The following ANKRD11 variants were observed in gnomAD, a reference collection of about 807,000 sequenced individuals.
ANKRD11 encodes the protein ankyrin repeat domain 11.
A neutral mutation model predicts 195.7 loss-of-function variants in ANKRD11; 17 were observed. That is an observed-to-expected ratio of 0.09 (90% CI 0.06 to 0.13). ANKRD11 has a LOEUF of 0.13. Ranked by LOEUF, ANKRD11 falls within the 10% of genes least tolerant of loss-of-function variation. The probability of loss-of-function intolerance (pLI) is 1.00; values close to 1 mark genes in which losing one functional copy is unlikely to be tolerated. For synonymous variants in ANKRD11, 1,953 were observed against 1,528.1 expected (o/e 1.28, Z -6.49); for missense variants, 3,735 against 3,566.1 (o/e 1.05, Z -1.21).
chr16:89,358,391 C>G (rs116880818), intron 2 of ANKRD11, among the ~76,000 whole-genome samples: 1 of 152,236 alleles, frequency 6.6e-6, no homozygotes, highest in Non-Finnish European at 1.5e-5. Context: ...TTAGCGACCA[C>G]GTTTCAAAGA....
chr16:89,471,340 G>C (rs1324723246), intron 1 of ANKRD11, among the ~76,000 whole-genome samples: 1 of 152,164 alleles, frequency 6.6e-6, no homozygotes, highest in Non-Finnish European at 1.5e-5. Flanking sequence ...GTCCTGTGTG[G>C]AGTGGTGCTC....
At chr16:89,367,366 C>T (rs735814) in intron 2 of ANKRD11, among the ~76,000 whole-genome samples, 1 of 152,258 alleles carries the variant, frequency 6.6e-6, no homozygotes, top group Non-Finnish European at 1.5e-5. Flanking sequence ...AGACCTCCCA[C>T]CACTGCTTCC....
intron 2 of ANKRD11, chr16:89,324,788 G>C (rs1176738980): frequency 3.5e-6 from 1 of 289,298 alleles, no homozygotes; most frequent in Non-Finnish European, 6.8e-6. Context: ...TGCGCTGTTG[G>C]CTTCCCGACT....
chr16:89,278,464 T>C (rs1597427105), intron 9 of ANKRD11: 3 of 449,432 alleles, frequency 6.7e-6, no homozygotes, highest in Non-Finnish European at 8.9e-6. Context: ...GGAGTGGGGG[T>C]GATTCCGAGA....
At chr16:89,269,522 C>G (rs2151667674) in intron 12 of ANKRD11, among the ~76,000 whole-genome samples, 1 of 152,230 alleles carries the variant, frequency 6.6e-6, no homozygotes, top group African/African-American at 2.4e-5. Context: ...CATATAATAC[C>G]CTTTGGATGT....
intron 2 of ANKRD11, among the ~76,000 whole-genome samples, chr16:89,402,783 GGATGA>G (rs1227087257): frequency 6.8e-6 from 1 of 146,046 alleles, no homozygotes; most frequent in Admixed American, 6.8e-5. Context: ...CAGCTCTGTG[GGATGA>G]GGTGAGGTGG....
intron 2 of ANKRD11, among the ~76,000 whole-genome samples, chr16:89,362,468 G>C (rs927645970): frequency 3.3e-5 from 5 of 152,210 alleles, no homozygotes; most frequent in African/African-American, 1.2e-4. Context: ...GAAGCCGGAA[G>C]GGACAAGACT....
At chr16:89,486,636 A>G (rs2057623724) in intron 1 of ANKRD11, among the ~76,000 whole-genome samples, 2 of 152,168 alleles carry the variant, frequency 1.3e-5, no homozygotes, top group Admixed American at 6.6e-5. Context: ...GAATGACTGG[A>G]AGCTTGGGGC....
At chr16:89,318,153 G>A (rs1434492346) in intron 2 of ANKRD11, among the ~76,000 whole-genome samples, 1 of 152,138 alleles carries the variant, frequency 6.6e-6, no homozygotes, top group African/African-American at 2.4e-5. Flanking sequence ...CGGTGCGAGC[G>A]CACTTCTTCC....
chr16:89,279,186 G>C lies in ANKRD11; in HGVS notation c.7356C>G (p.Arg2452=), dbSNP rs575659853. 1.9e-6 allele frequency: 3 copies of C among 1,612,776 alleles called. No homozygotes were observed. Among genetic ancestry groups the C allele is most frequent in the East Asian group, 2.2e-5 (1 of 44,868 alleles). The change falls in exon 9 of 13, where the codon CGC becomes CGG. Residue 2452 remains arginine (R), a synonymous_variant. Coordinates refer to ENST00000301030, the MANE Select transcript of ANKRD11 (RefSeq NM_013275.6). This position sits in a 1 kb window ranked among gnomAD's most constrained non-coding sequence, Gnocchi z 5.6. ...LQIRKKIEEK[R]KILCCITPQA... ...GCGGCGTGATACAGCACAGGATCTT[G>C]CGCTTCTCCTCGATCTTCTTCCTGA...
At chr16:89,294,837 T>G (rs1402814984) in intron 4 of ANKRD11, among the ~76,000 whole-genome samples, 2 of 152,170 alleles carry the variant, frequency 1.3e-5, no homozygotes, top group Non-Finnish European at 2.9e-5. Flanking sequence ...GAAACGCTCC[T>G]CTGAGAGGAG....
intron 2 of ANKRD11, among the ~76,000 whole-genome samples, chr16:89,350,068 T>G (rs2039139253): frequency 6.6e-6 from 1 of 151,752 alleles, no homozygotes; most frequent in South Asian, 2.1e-4. Flanking sequence ...GATAGTCCCT[T>G]CCCCCCACCA....
intron 4 of ANKRD11, among the ~76,000 whole-genome samples, chr16:89,292,721 T>C (rs2035143106): frequency 1.3e-5 from 2 of 152,162 alleles, no homozygotes; most frequent in African/African-American, 4.8e-5. Context: ...CCCCAGCCCC[T>C]CATAGAACCT....
At chr16:89,312,010 G>A (rs1187269490) in intron 3 of ANKRD11, among the ~76,000 whole-genome samples, 1 of 152,182 alleles carries the variant, frequency 6.6e-6, no homozygotes, top group East Asian at 1.9e-4. Flanking sequence ...CAATTCTCCT[G>A]CCTCAGACTC....
At chr16:89,411,284 C>T (rs928745833) in intron 2 of ANKRD11, among the ~76,000 whole-genome samples, 2 of 151,620 alleles carry the variant, frequency 1.3e-5, no homozygotes, top group Non-Finnish European at 2.9e-5. Context: ...ACTTGCAGCC[C>T]TGTGCCAGCA....
chr16:89,408,273 G>GCTTCCACATTC (rs1196758854), intron 2 of ANKRD11, among the ~76,000 whole-genome samples: 1 of 152,248 alleles, frequency 6.6e-6, no homozygotes, highest in African/African-American at 2.4e-5. Context: ...TAGAGAAGTG[G>GCTTCCACATTC]CAGCCCTTCC....
rs2034363201 is a variant in ANKRD11 at position 89,282,724 on chromosome 16, C to G, written c.3818G>C (p.Ser1273Thr). The change falls in exon 9 of 13, where the codon AGT (serine) becomes ACT (threonine). Residue 1273 changes from serine to threonine, a missense_variant. Ser to Thr is a moderately conservative substitution (Grantham distance 58). Coordinates refer to ENST00000301030, the MANE Select transcript of ANKRD11 (RefSeq NM_013275.6). ...AAGCAGGCTTTTTTCCGCGTCGGCA[C>G]TTCTCGAGGACTTCCTCTCCTTGGA... ...EHSKERKSSR[S>T]ADAEKSLLEK... The G allele has an allele frequency of 2.5e-6, 4 of 1,613,734 alleles. No individual in the cohort carries two copies. The highest frequency in any genetic ancestry group is 2.2e-5 in the East Asian group (1 of 44,876).
At chr16:89,410,839 C>A (rs1282065389) in intron 2 of ANKRD11, among the ~76,000 whole-genome samples, 1 of 152,226 alleles carries the variant, frequency 6.6e-6, no homozygotes, top group African/African-American at 2.4e-5. Flanking sequence ...TGGGGAGTGG[C>A]CAACTGTGGC....
At chr16:89,324,319 G>A in intron 2 of ANKRD11, 1 of 1,257,946 alleles carries the variant, frequency 7.9e-7, no homozygotes. Flanking sequence ...CACGGACACA[G>A]CAGTCGGGGC....
Sources: gnomAD v4.1 joint callset for allele counts (sites outside exome capture counted in the v4.1 genomes callset) on GRCh38, gnomAD v4.1.1 for gene constraint, Gnocchi (gnomAD v3.1) non-coding constraint, MANE v1.5 for transcripts, NCBI Gene and HGNC (gene_info 2026-07-23, HGNC 2026-07-21) for gene names.